Variants in CCDC171 observed in about 807,000 individuals in gnomAD.
CCDC171 encodes the protein coiled-coil domain-containing protein 171.
Under a neutral mutation model 168.2 loss-of-function variants are expected in CCDC171, and 177 were observed. The ratio of observed to expected loss-of-function variants is 1.05; its 90% CI spans 0.93 to 1.19. CCDC171 has a LOEUF of 1.19. CCDC171 is among the 50% of genes most tolerant of loss of function. CCDC171 has a pLI of 0.00. For synonymous variants in CCDC171, 687 were observed against 540.8 expected (o/e 1.27, Z -3.75); for missense variants, 1,991 against 1,539.0 (o/e 1.29, Z -4.91).
At chr9:15,900,198 G>C (rs1287158750) in intron 24 of CCDC171, among the ~76,000 whole-genome samples, 1 of 152,178 alleles carries the variant, frequency 6.6e-6, no homozygotes, top group African/African-American at 2.4e-5. Flanking sequence ...AAAAGAGATT[G>C]TCCTGGATGG....
intron 16 of CCDC171, among the ~76,000 whole-genome samples, chr9:15,735,401 T>C (rs1429621051): frequency 6.6e-6 from 1 of 152,238 alleles, no homozygotes; most frequent in Non-Finnish European, 1.5e-5. Context: ...AAAAGATAGT[T>C]ATTGGAACAA....
intron 6 of CCDC171, among the ~76,000 whole-genome samples, chr9:15,615,697 C>T (rs1391535923): frequency 6.6e-6 from 1 of 151,270 alleles, no homozygotes; most frequent in Non-Finnish European, 1.5e-5. Context: ...TGGGCATACT[C>T]TTTGTTTATT....
At chr9:15,662,930 G>T (rs968680049) in intron 8 of CCDC171, among the ~76,000 whole-genome samples, 6 of 152,156 alleles carry the variant, frequency 3.9e-5, no homozygotes, top group African/African-American at 1.4e-4. Flanking sequence ...GCAGTGAGCT[G>T]AGATTGCACC....
Position 15,958,506 on chromosome 9 carries a change from C to T in CCDC171, c.3754-13103C>T, listed in dbSNP as rs1322655027. Among the ~76,000 whole-genome samples the T allele has an allele frequency of 1.1e-4, 13 of 121,144 alleles. No homozygotes were observed. In the East Asian group the frequency reaches 2.1e-3, roughly 19 times the overall value. 79.5% of individuals were successfully genotyped at this position (121,144 alleles called of 152,430 possible). On this transcript the variant is annotated intron_variant, in intron 25 of 25. Coordinates refer to ENST00000380701, the MANE Select transcript of CCDC171 (RefSeq NM_173550.4). ...GTGTGTATGGGGTGTTATAATAACA[C>T]GGAGGTGAGGTATTATATTATATTA...
At chr9:15,652,953 A>G (rs1364822244) in intron 7 of CCDC171, among the ~76,000 whole-genome samples, 1 of 152,140 alleles carries the variant, frequency 6.6e-6, no homozygotes, top group Non-Finnish European at 1.5e-5. Context: ...TTCTGTGGAA[A>G]CATTTTTTGA....
At chr9:16,095,156 T>C in the CCDC171 span, among the ~76,000 whole-genome samples, 1 of 152,180 alleles carries the variant, frequency 6.6e-6, no homozygotes, top group Non-Finnish European at 1.5e-5. Context: ...AGGTATTTCT[T>C]TATAGCAGTG....
intron 11 of CCDC171, among the ~76,000 whole-genome samples, chr9:15,710,678 C>T (rs2052598327): frequency 6.6e-6 from 1 of 152,112 alleles, no homozygotes; most frequent in South Asian, 2.1e-4. Context: ...TCACTGCAAC[C>T]TCCATCTCCC....
chr9:15,648,366 C>G (rs1252679840), intron 7 of CCDC171, among the ~76,000 whole-genome samples: 2 of 152,148 alleles, frequency 1.3e-5, no homozygotes, highest in African/African-American at 2.4e-5. Context: ...CTCACCATTC[C>G]TATTCAACAT....
In CCDC171 at chr9:15,916,321, T is replaced by C. The variant is rs540824005; in HGVS notation, c.3601-3949T>C. Among the ~76,000 whole-genome samples, 273 of 152,124 alleles carry C rather than the reference T, an allele frequency of 1.8e-3. 2 individuals are homozygous for C. Among genetic ancestry groups the C allele is most frequent in the African/African-American group, 5.7e-3 (239 of 41,566 alleles). ...CTCATTTAATTTCTATAAAATGTTA[T>C]AAGGTATGAATTTTTATCCTGATTT... On this transcript the variant is annotated intron_variant, in intron 24 of 25. Transcript: ENST00000380701.
intron 6 of CCDC171, among the ~76,000 whole-genome samples, chr9:15,605,523 A>AG (rs1380438867): frequency 6.6e-4 from 99 of 149,410 alleles, no homozygotes; most frequent in Non-Finnish European, 1.3e-3. Context: ...ACTAAAAAAA[A>AG]AAAAAAAAAA....
chr9:15,647,217 C>A (rs1407654698), intron 7 of CCDC171, among the ~76,000 whole-genome samples: 2 of 152,000 alleles, frequency 1.3e-5, no homozygotes, highest in Non-Finnish European at 2.9e-5. Context: ...AACAAAGACA[C>A]AACATACCAG....
intron 21 of CCDC171, among the ~76,000 whole-genome samples, chr9:15,838,828 A>G (rs1019362269): frequency 1.3e-5 from 2 of 152,216 alleles, no homozygotes; most frequent in African/African-American, 4.8e-5. Flanking sequence ...AGGAAGAGGT[A>G]GCTACAGATG....
At chr9:15,976,234 AT>A (rs1324285007), downstream of CCDC171, among the ~76,000 whole-genome samples, 7 of 152,294 alleles carry the variant, frequency 4.6e-5, no homozygotes, top group South Asian at 6.2e-4. Context: ...ACGTTTAGTA[AT>A]TTTTTTAAAA....
rs1395041499 is a variant in CCDC171, at chr9:15,695,351, A to G, written c.1318+14A>G. 4.4e-6 allele frequency: 7 copies of G among 1,591,582 alleles called. No homozygotes were observed. Among genetic ancestry groups the G allele is most frequent in the Admixed American group, 1.7e-5 (1 of 59,948 alleles). ...AGTGGACATCAGGTTAGTTGAAGGT[A>G]TAAAATGACAGATGCATCTGTCAAT... On this transcript the variant is annotated intron_variant, in intron 11 of 25. Coordinates refer to ENST00000380701, the MANE Select transcript of CCDC171 (RefSeq NM_173550.4).
chr9:15,854,492 G>A (rs895965117), intron 23 of CCDC171, among the ~76,000 whole-genome samples: 4 of 151,452 alleles, frequency 2.6e-5, no homozygotes, highest in African/African-American at 7.3e-5. Flanking sequence ...GTCAGTCTAG[G>A]TAAGGCATGC....
intron 25 of CCDC171, among the ~76,000 whole-genome samples, chr9:15,951,488 T>C (rs1027823069): frequency 7.9e-5 from 12 of 152,072 alleles, no homozygotes; most frequent in Non-Finnish European, 1.5e-4. Flanking sequence ...ATTTGCTTGG[T>C]AGATCTTCCT....
At chr9:15,633,241 C>T (rs1441856099) in intron 7 of CCDC171, among the ~76,000 whole-genome samples, 2 of 152,098 alleles carry the variant, frequency 1.3e-5, no homozygotes, top group African/African-American at 4.8e-5. Context: ...AGGCAACCTA[C>T]ACAATGGGAG....
chr9:16,102,322 C>T, the CCDC171 span, among the ~76,000 whole-genome samples: 2 of 152,164 alleles, frequency 1.3e-5, no homozygotes, highest in Non-Finnish European at 2.9e-5. Flanking sequence ...CGCTTGCTCT[C>T]CTACACACCT....
chr9:15,641,762 C>G (rs767136407), intron 7 of CCDC171, among the ~76,000 whole-genome samples: 6 of 152,090 alleles, frequency 3.9e-5, no homozygotes, highest in Non-Finnish European at 7.4e-5. Flanking sequence ...TAGAGTAACA[C>G]CTACTATTTA....
Sources: gnomAD v4.1 joint callset for allele counts (sites outside exome capture counted in the v4.1 genomes callset) on GRCh38, gnomAD v4.1.1 for gene constraint, MANE v1.5 for transcripts, NCBI Gene and HGNC (gene_info 2026-07-23, HGNC 2026-07-21) for gene names.